The following UNC13A variants were observed in gnomAD, a reference collection of about 807,000 sequenced individuals.
UNC13A encodes the protein unc-13 homolog A, also known as protein unc-13 homolog A.
Under a neutral mutation model 219.7 loss-of-function variants are expected in UNC13A, and 61 were observed. The observed-to-expected ratio is 0.28, with a 90% confidence interval of 0.23 to 0.34. The LOEUF is 0.34. UNC13A is among the 10% of genes least tolerant of loss of function. The pLI, the probability that UNC13A is intolerant of heterozygous loss-of-function variation, is 1.00. For missense variants in UNC13A, 1,476 were observed against 2,270.3 expected, an observed-to-expected ratio of 0.65 and a Z score of 7.11; for synonymous variants, 920 against 884.6, an observed-to-expected ratio of 1.04 and a Z score of -0.71.
At chr19:17,687,665 C>A (rs947682238) in intron 1 of UNC13A, among the ~76,000 whole-genome samples, 2 of 152,070 alleles carry the variant, frequency 1.3e-5, no homozygotes, top group South Asian at 2.1e-4. Flanking sequence ...GATGGCCAAG[C>A]CCCTCTACCT....
chr19:17,655,157 G>T, intron 11 of UNC13A, 117 bp downstream of exon 11: 1 of 821,518 alleles, frequency 1.2e-6, no homozygotes, highest in South Asian at 1.4e-5. Context: ...GCTTGGGTAC[G>T]GGTGGGGTGT....
At chr19:17,641,629 G>T (rs2076971311) in intron 20 of UNC13A, 73 bp from the exon 21 acceptor site, 1 of 1,487,978 alleles carries the variant, frequency 6.7e-7, no homozygotes, top group Non-Finnish European at 9.2e-7. Flanking sequence ...CAGGGTCTGG[G>T]GCAGCTTACA....
intron 43 of UNC13A, among the ~76,000 whole-genome samples, chr19:17,608,619 G>A (rs2076566284): frequency 6.7e-6 from 1 of 150,228 alleles, no homozygotes; most frequent in Admixed American, 6.7e-5. Flanking sequence ...CCGGGTTCAC[G>A]CCATTCTCCT....
chr19:17,624,725 C>A, intron 35 of UNC13A, 104 bp downstream of exon 35: 2 of 1,450,372 alleles, frequency 1.4e-6, no homozygotes, highest in South Asian at 2.8e-5. Flanking sequence ...CTCTCTGAGA[C>A]CGGATGCCTT....
At chr19:17,607,097 C>G (rs927117498) in intron 43 of UNC13A, among the ~76,000 whole-genome samples, 5 of 152,076 alleles carry the variant, frequency 3.3e-5, no homozygotes, top group African/African-American at 9.7e-5. Flanking sequence ...TCCTGAGTAT[C>G]CCCTAAAGGG....
chr19:17,666,867 GACAC>G lies in UNC13A; in HGVS notation c.469-167_469-164del, dbSNP rs71336631. ...GGAGTAAGAGAGAAAAGGAGAGAAA[GACAC>G]ACACACACACGAGAGAGAGAGAGAG... On this transcript the variant is annotated intron_variant, in intron 6 of 43. Coordinates refer to ENST00000519716, the MANE Select transcript of UNC13A (RefSeq NM_001080421.3). Among the ~76,000 whole-genome samples, 5 of 141,520 alleles carry G rather than the reference GACAC, an allele frequency of 3.5e-5. No homozygotes were observed. The Admixed American group carries it at 3.6e-4, about 10-fold the overall frequency. 92.8% of individuals were successfully genotyped at this position (141,520 alleles called of 152,430 possible). A position where few individuals can be genotyped will look rare whatever the true frequency, so the allele number is the denominator to read the frequency against.
chr19:17,651,189 A>C (rs11671377), intron 12 of UNC13A, among the ~76,000 whole-genome samples: 100,817 of 151,092 alleles, frequency 0.67, 34,655 homozygotes, highest in African/African-American at 0.85. Context: ...TCAACCGCCT[A>C]GGCCTCCCAA....
intron 37 of UNC13A, among the ~76,000 whole-genome samples, chr19:17,621,409 C>T (rs112721274): frequency 7.2e-5 from 11 of 152,148 alleles, no homozygotes; most frequent in Admixed American, 1.3e-4. Flanking sequence ...CAGCTGCTTG[C>T]GTGTTGCTGT....
chr19:17,628,546 A>G (rs2076808536), intron 31 of UNC13A, among the ~76,000 whole-genome samples: 1 of 152,034 alleles, frequency 6.6e-6, no homozygotes, highest in African/African-American at 2.4e-5. Flanking sequence ...AGACATGCAC[A>G]GCTGGACACA....
chr19:17,636,923 A>C (rs2076917942), intron 25 of UNC13A, among the ~76,000 whole-genome samples: 1 of 152,140 alleles, frequency 6.6e-6, no homozygotes, highest in African/African-American at 2.4e-5. Flanking sequence ...AAATGAATGA[A>C]TTTGTACTCA....
intron 17 of UNC13A, 112 bp downstream of exon 17, chr19:17,647,153 G>C: frequency 9.8e-7 from 1 of 1,019,948 alleles, no homozygotes; most frequent in Non-Finnish European, 1.4e-6. Flanking sequence ...GAATGCACCC[G>C]ACCGAGTGAG....
At chr19:17,619,102 C>G (rs1178469321) in intron 38 of UNC13A, 140 bp from the exon 39 acceptor site, 9 of 757,500 alleles carry the variant, frequency 1.2e-5, no homozygotes, top group Non-Finnish European at 1.8e-5. Context: ...TGGAATTCCC[C>G]AGGAAGAACT....
intron 41 of UNC13A, among the ~76,000 whole-genome samples, chr19:17,615,594 G>A (rs186162023): frequency 9.9e-5 from 15 of 152,090 alleles, no homozygotes; most frequent in East Asian, 9.7e-4. Flanking sequence ...CACAAGAATC[G>A]CTTGAAACCA....
chr19:17,677,256 T>A (rs1052700639), intron 1 of UNC13A, among the ~76,000 whole-genome samples: 3 of 152,200 alleles, frequency 2.0e-5, no homozygotes, highest in African/African-American at 7.2e-5. Flanking sequence ...CTCTCACACC[T>A]TGCTTTTGTC....
At chr19:17,609,327 A>G (rs2076576842) in intron 43 of UNC13A, among the ~76,000 whole-genome samples, 1 of 151,576 alleles carries the variant, frequency 6.6e-6, no homozygotes, top group Non-Finnish European at 1.5e-5. Context: ...CTATCCTGAT[A>G]CCCGCAGCCT....
intron 7 of UNC13A, among the ~76,000 whole-genome samples, chr19:17,664,527 G>A (rs1358009450): frequency 6.6e-6 from 1 of 152,174 alleles, no homozygotes; most frequent in Non-Finnish European, 1.5e-5. Flanking sequence ...GAGGACTTGT[G>A]GGTAAATACT....
intron 25 of UNC13A, among the ~76,000 whole-genome samples, chr19:17,638,251 G>A (rs1464671062): frequency 2.0e-5 from 3 of 151,952 alleles, no homozygotes; most frequent in Non-Finnish European, 4.4e-5. Context: ...GAGGCAGGAG[G>A]ATCGCTTGAG....
At chr19:17,617,056 A>C (rs905966643) in intron 41 of UNC13A, among the ~76,000 whole-genome samples, 2 of 152,142 alleles carry the variant, frequency 1.3e-5, no homozygotes, top group African/African-American at 2.4e-5. Context: ...CACCAAGTCG[A>C]GGTCCCTCCC....
chr19:17,681,466 G>A (rs2080016985), intron 1 of UNC13A, among the ~76,000 whole-genome samples: 1 of 152,180 alleles, frequency 6.6e-6, no homozygotes, highest in African/African-American at 2.4e-5. Context: ...CCTCAGCTGT[G>A]CTGGTTTCGC....
Sources: allele counts gnomAD v4.1 joint callset (sites outside exome capture counted in the v4.1 genomes callset), GRCh38; gene constraint gnomAD v4.1.1; transcripts MANE v1.5; gene names NCBI Gene and HGNC (gene_info 2026-07-23, HGNC 2026-07-21).